The following KCNMA1 variants were observed in gnomAD, a reference collection of about 807,000 sequenced individuals.
KCNMA1 encodes Calcium-activated potassium channel subunit alpha-1.
In KCNMA1, 29 loss-of-function variants were observed where a neutral mutation model predicts 140.0. That is an observed-to-expected ratio of 0.21 (90% CI 0.15 to 0.28). The LOEUF is 0.28. KCNMA1 is among the 10% of genes least tolerant of loss of function. The pLI is 1.00. For missense variants in KCNMA1, 880 were observed against 1,602.2 expected (o/e 0.55, Z 7.70); for synonymous variants, 612 against 611.9 (o/e 1.00, Z 0.00).
At chr10:77,064,477 T>A (rs908863392) in intron 14 of KCNMA1, among the ~76,000 whole-genome samples, 1 of 152,218 alleles carries the variant, frequency 6.6e-6, no homozygotes, top group African/African-American at 2.4e-5. Flanking sequence ...TGTATGGGCT[T>A]CTTTTTGCTA....
At chr10:77,574,893 AC>A (rs2073446077) in intron 1 of KCNMA1, among the ~76,000 whole-genome samples, 1 of 152,176 alleles carries the variant, frequency 6.6e-6, no homozygotes, top group Non-Finnish European at 1.5e-5. Flanking sequence ...TTCATTTTGC[AC>A]ATGCAGCCTG....
At chr10:77,450,833 A>G (rs1194660246) in intron 1 of KCNMA1, among the ~76,000 whole-genome samples, 2 of 152,210 alleles carry the variant, frequency 1.3e-5, no homozygotes. Flanking sequence ...TTGAATTGTA[A>G]TAATTCCCAT....
At chr10:77,114,974 A>G (rs369667632) in intron 6 of KCNMA1, among the ~76,000 whole-genome samples, 1 of 152,236 alleles carries the variant, frequency 6.6e-6, no homozygotes, top group East Asian at 1.9e-4. Context: ...GGCATTTAAG[A>G]TCACAGTAAT....
At chr10:77,315,998 T>G (rs1447233837) in intron 2 of KCNMA1, among the ~76,000 whole-genome samples, 1 of 152,168 alleles carries the variant, frequency 6.6e-6, no homozygotes, top group Non-Finnish European at 1.5e-5. Context: ...ATCTATTGAA[T>G]TAAGAGGAAA....
chr10:77,289,280 C>T (rs2154306936), intron 2 of KCNMA1, among the ~76,000 whole-genome samples: 1 of 152,334 alleles, frequency 6.6e-6, no homozygotes, highest in Admixed American at 6.5e-5. Flanking sequence ...AGGCACAGGG[C>T]TCCCCTAAGG....
chr10:77,497,886 T>C lies in KCNMA1; in HGVS notation c.379-93863A>G, dbSNP rs541312930. Among the ~76,000 whole-genome samples, 4 of 152,272 alleles carry C rather than the reference T, an allele frequency of 2.6e-5. No individual in the cohort carries two copies. In the South Asian group the frequency reaches 8.3e-4, roughly 32 times the overall value. On this transcript the variant is annotated intron_variant, in intron 1 of 27. Transcript: ENST00000286628. ...TTCCCACACTCAGGAGCATGGGCAG[T>C]GGAGGGAGAAGGATGCTGCCACTGG...
chr10:76,917,137 C>T (rs1211908057), intron 23 of KCNMA1, among the ~76,000 whole-genome samples: 1 of 152,166 alleles, frequency 6.6e-6, no homozygotes, highest in East Asian at 1.9e-4. Flanking sequence ...AAACTGTTTT[C>T]ATTAGAAGTT....
intron 1 of KCNMA1, among the ~76,000 whole-genome samples, chr10:77,602,987 G>A (rs193094464): frequency 1.4e-4 from 21 of 152,292 alleles, no homozygotes; most frequent in East Asian, 1.4e-3. Flanking sequence ...CAGGGAAGCC[G>A]GGGCTGGCAG....
Position 76,887,501 on chromosome 10 carries a change from T to G in KCNMA1, c.3476A>C (p.Asn1159Thr). The change falls in exon 28 of 28, where the codon AAC becomes ACC. Residue 1159 changes from asparagine (N) to threonine (T), a missense_variant. Transcript: ENST00000286628. ...SQCTKRYVIT[N>T]PPYEFELVPT... ...CACGAGCTCAAACTCATAGGGCGGG[T>G]TGGTGATGACATACCTGGACAGGGA... 6.2e-7 allele frequency: 1 copy of G among 1,614,032 alleles called. No individual in the cohort carries two copies. Among genetic ancestry groups the G allele is most frequent in the Non-Finnish European group, 8.5e-7 (1 of 1,179,990 alleles).
intron 1 of KCNMA1, among the ~76,000 whole-genome samples, chr10:77,536,858 T>A (rs561098917): frequency 6.6e-6 from 1 of 152,310 alleles, no homozygotes; most frequent in South Asian, 2.1e-4. Context: ...TCAACAGCCA[T>A]TTGAACACAG....
intron 9 of KCNMA1, among the ~76,000 whole-genome samples, chr10:77,094,866 T>C (rs762980978): frequency 2.6e-5 from 4 of 151,932 alleles, no homozygotes; most frequent in Non-Finnish European, 4.4e-5. Flanking sequence ...AGCTGGCTAA[T>C]TTTCTTTTGG....
intron 2 of KCNMA1, among the ~76,000 whole-genome samples, chr10:77,300,496 G>A (rs2076277520): frequency 6.6e-6 from 1 of 152,118 alleles, no homozygotes; most frequent in African/African-American, 2.4e-5. Context: ...GTTTCAAGAA[G>A]CACATTTTCC....
At chr10:77,147,906 G>C (rs2098338741) in intron 5 of KCNMA1, 2 of 152,188 alleles carry the variant, frequency 1.3e-5, no homozygotes, top group Non-Finnish European at 2.9e-5. Flanking sequence ...CATATACAAG[G>C]ATAAAGCAGG....
At chr10:77,119,541 C>T (rs911719169) in intron 6 of KCNMA1, among the ~76,000 whole-genome samples, 3 of 152,062 alleles carry the variant, frequency 2.0e-5, no homozygotes, top group African/African-American at 4.8e-5. Context: ...ATCTGACATA[C>T]GTAAATATTG....
chr10:77,091,744 C>G (rs901246363), intron 9 of KCNMA1: 5 of 152,180 alleles, frequency 3.3e-5, no homozygotes, highest in African/African-American at 4.8e-5. Flanking sequence ...TGTGCACATT[C>G]CACTAAGGCA....
chr10:77,159,514 T>C (rs945285799), intron 5 of KCNMA1, among the ~76,000 whole-genome samples: 2 of 152,194 alleles, frequency 1.3e-5, no homozygotes, highest in Non-Finnish European at 2.9e-5. Context: ...CAGGTGGTTC[T>C]GTTCAGTCTC....
downstream of KCNMA1, among the ~76,000 whole-genome samples, chr10:76,881,338 A>C (rs1487478670): frequency 6.6e-6 from 1 of 152,140 alleles, no homozygotes; most frequent in African/African-American, 2.4e-5. Flanking sequence ...CAAACTTCCT[A>C]ATAGTGTTGT....
In KCNMA1 at chr10:77,539,865, T is replaced by C. The variant is rs115162052; in HGVS notation, c.378+97400A>G. 3.1e-3 allele frequency among the ~76,000 whole-genome samples: 474 copies of C among 152,314 alleles called. 2 individuals carry two copies. The highest frequency in any genetic ancestry group is 0.011 in the African/African-American group (438 of 41,564). ...TGGGAATACAGTTGCAGCTACCTGA[T>C]GGTACATCTAAAAAAATAACCAGCT... On this transcript the variant is annotated intron_variant, in intron 1 of 27. Transcript: ENST00000286628.
At chr10:77,088,317 T>C (rs999043879) in intron 10 of KCNMA1, among the ~76,000 whole-genome samples, 13 of 152,188 alleles carry the variant, frequency 8.5e-5, no homozygotes, top group Non-Finnish European at 1.9e-4. Context: ...GGTATGTTAT[T>C]AACCCAGAGC....
Sources: gnomAD v4.1 joint callset for allele counts (sites outside exome capture counted in the v4.1 genomes callset) on GRCh38, gnomAD v4.1.1 for gene constraint, MANE v1.5 for transcripts, NCBI Gene and HGNC (gene_info 2026-07-23, HGNC 2026-07-21) for gene names.